DZIP3: variants seen among roughly 807,000 people sequenced by gnomAD.
The protein encoded by DZIP3 is E3 ubiquitin-protein ligase DZIP3.
In DZIP3, 118 loss-of-function variants were observed where a neutral mutation model predicts 162.0. The ratio of observed to expected loss-of-function variants is 0.73; its 90% CI spans 0.63 to 0.85. The LOEUF (loss-of-function observed/expected upper bound fraction) is 0.85. Ranked by LOEUF, DZIP3 falls within the 40% of genes least tolerant of loss-of-function variation. The pLI is 0.00. For synonymous variants in DZIP3, 438 were observed against 458.6 expected (o/e 0.96, Z 0.57); for missense variants, 1,331 against 1,407.0 (o/e 0.95, Z 0.86).
At chr3:108,675,705 A>G in intron 24 of DZIP3, 81 bp from the exon 25 acceptor site, 1 of 1,247,366 alleles carries the variant, frequency 8.0e-7, no homozygotes, top group Non-Finnish European at 1.1e-6. Context: ...CATATATGCT[A>G]GAAAGCGTGA....
At chr3:108,672,701 T>G (rs1376576288) in intron 23 of DZIP3, 45 bp downstream of exon 23, 3 of 1,419,098 alleles carry the variant, frequency 2.1e-6, no homozygotes, top group South Asian at 1.2e-5. Context: ...GGGGAAAAGT[T>G]TTACTTGTAT....
rs960937728 is a variant in DZIP3 at position 108,655,986 on chromosome 3, A to G, written c.2199+1676A>G. The stretch of plus-strand genomic sequence containing the variant: ...TTGCCAAGGCTTGAGTAGGTAAACA[A>G]AGCGGCCGGGAAGCTCAAACTGGGT... On this transcript the variant is annotated intron_variant, in intron 19 of 32. Transcript: ENST00000361582. Among the ~76,000 whole-genome samples the G allele has an allele frequency of 8.5e-5, 13 of 152,288 alleles. 1 individual carries two copies. The highest frequency in any genetic ancestry group is 6.5e-4 in the Admixed American group (10 of 15,298).
intron 10 of DZIP3, among the ~76,000 whole-genome samples, chr3:108,635,660 AAAT>A (rs1169916360): frequency 6.8e-6 from 1 of 147,448 alleles, no homozygotes; most frequent in East Asian, 1.9e-4. Flanking sequence ...ATAATATTAT[AAAT>A]ATTATATAAT....
At chr3:108,620,481 G>A (rs531009949) in intron 5 of DZIP3, among the ~76,000 whole-genome samples, 1 of 152,192 alleles carries the variant, frequency 6.6e-6, no homozygotes, top group Non-Finnish European at 1.5e-5. Context: ...GGCCAGCTAG[G>A]TTAGCTTTTT....
intron 2 of DZIP3, 71 bp downstream of exon 2, chr3:108,605,509 G>C (rs1414683972): frequency 6.6e-7 from 1 of 1,505,380 alleles, no homozygotes; most frequent in Admixed American, 1.8e-5. Flanking sequence ...TCCACGGATG[G>C]TGGGGGTGCG....
At chr3:108,651,468 T>G (rs1942863048) in intron 18 of DZIP3, among the ~76,000 whole-genome samples, 1 of 151,644 alleles carries the variant, frequency 6.6e-6, no homozygotes, top group South Asian at 2.1e-4. Context: ...AGTCTAGACA[T>G]TGTAGTCTAG....
chr3:108,600,033 ATT>A (rs71688732), intron 1 of DZIP3, among the ~76,000 whole-genome samples: 2,896 of 152,304 alleles, frequency 0.019, 99 homozygotes, highest in African/African-American at 0.067. Context: ...TAAAATTCTG[ATT>A]CCAAGGAACT....
intron 17 of DZIP3, among the ~76,000 whole-genome samples, chr3:108,650,180 A>G (rs1035383966): frequency 2.0e-5 from 3 of 151,870 alleles, no homozygotes; most frequent in African/African-American, 7.2e-5. Context: ...TATGGCTGAT[A>G]TATTCATTGG....
In DZIP3 at chr3:108,646,571, T is replaced by C. The variant is rs756329389; in HGVS notation, c.1760-46T>C. ...TTAATCCTAGCCAGACATTCATTTG[T>C]TGCGTTTGCAATTGTACATCTAAAA... On this transcript the variant is annotated intron_variant, in intron 14 of 32. Transcript: ENST00000361582. 8 of 1,337,634 alleles carry C rather than the reference T, an allele frequency of 6.0e-6. No homozygotes were observed. The South Asian group carries it at 8.4e-5, about 14-fold the overall frequency. The allele number at this position is 1,337,634 out of a possible 1,614,324, so 82.9% of individuals were successfully genotyped here. A position where few individuals can be genotyped will look rare whatever the true frequency, so the allele number is the denominator to read the frequency against.
chr3:108,618,472 G>A (rs1444795907), intron 5 of DZIP3, among the ~76,000 whole-genome samples: 4 of 152,178 alleles, frequency 2.6e-5, no homozygotes, highest in Non-Finnish European at 5.9e-5. Flanking sequence ...GGGCACAGAG[G>A]TTAAATAACT....
At chr3:108,667,620 A>T (rs1280712268) in intron 21 of DZIP3, among the ~76,000 whole-genome samples, 1 of 152,136 alleles carries the variant, frequency 6.6e-6, no homozygotes, top group East Asian at 1.9e-4. Flanking sequence ...GTAGTTTTGC[A>T]AGATGTTACC....
intron 14 of DZIP3, among the ~76,000 whole-genome samples, chr3:108,645,787 T>C (rs1051780839): frequency 1.4e-4 from 22 of 152,202 alleles, no homozygotes; most frequent in Non-Finnish European, 3.1e-4. Context: ...ACCTTTGTTT[T>C]CTTGCATAAT....
At chr3:108,682,674 A>G (rs1226551829) in intron 26 of DZIP3, among the ~76,000 whole-genome samples, 1 of 150,756 alleles carries the variant, frequency 6.6e-6, no homozygotes, top group East Asian at 1.9e-4. Flanking sequence ...TTAGAAAGGA[A>G]GGATAAGTTC....
Position 108,662,166 on chromosome 3 carries a change from T to C in DZIP3, c.2332T>C (p.Trp778Arg). The C allele has an allele frequency of 1.2e-6, 2 of 1,607,898 alleles. No homozygotes were observed. The highest frequency in any genetic ancestry group is 1.7e-6 in the Non-Finnish European group (2 of 1,178,462). The change falls in exon 21 of 33, where the codon TGG becomes CGG. Residue 778 changes from tryptophan to arginine, a missense_variant. Trp to Arg is a moderately radical substitution (Grantham distance 101). Transcript: ENST00000361582. ...KRQLRTVTFR[W>R]QENQMQIKKK... ...ACAGTTGAGAACAGTGACTTTTCGG[T>C]GGCAAGAAAACCAAATGCAGATTAA...
At chr3:108,594,439 C>A (rs913639280) in intron 1 of DZIP3, among the ~76,000 whole-genome samples, 1 of 131,144 alleles carries the variant, frequency 7.6e-6, no homozygotes, top group Non-Finnish European at 1.6e-5. Flanking sequence ...CCTGCTCCCC[C>A]CCCATATATA....
chr3:108,627,885 G>GT lies in DZIP3; in HGVS notation c.582-1165dup, dbSNP rs545939893. Among the ~76,000 whole-genome samples, 456 of 146,010 alleles carry GT rather than the reference G, an allele frequency of 3.1e-3. 1 individual carries two copies. Among genetic ancestry groups the GT allele is most frequent in the African/African-American group, 5.7e-3 (231 of 40,194 alleles). ...GTCTGAAGGCAATGAGGTAAGGGAAGTTTTTTTTTTTTGAGACGGAGTCTC... is the reference window on the plus strand; with the variant it reads ...GTCTGAAGGCAATGAGGTAAGGGAAGTTTTTTTTTTTTTGAGACGGAGTCTC... On this transcript the variant is annotated intron_variant, in intron 7 of 32. Transcript: ENST00000361582.
intron 19 of DZIP3, among the ~76,000 whole-genome samples, chr3:108,658,277 T>G (rs1269790420): frequency 1.3e-5 from 2 of 151,928 alleles, no homozygotes; most frequent in Non-Finnish European, 1.5e-5. Flanking sequence ...GAACAGAAAT[T>G]ATAACAAACT....
rs577251490 is a variant in DZIP3 at position 108,624,426 on chromosome 3, A to G, written c.376-18A>G. 3.4e-5 allele frequency: 49 copies of G among 1,432,616 alleles called. No homozygotes were observed. Among genetic ancestry groups the G allele is most frequent in the Non-Finnish European group, 4.6e-5 (47 of 1,019,878 alleles). 88.7% of individuals were successfully genotyped at this position (1,432,616 alleles called of 1,614,324 possible). On this transcript the variant is annotated intron_variant, in intron 5 of 32. Transcript: ENST00000361582. ...AGCTTAGTCTAAATAACCAATTAAC[A>G]TATTTTTTTCTTTGTAGGCACACCA...
At chr3:108,634,344 T>C (rs1346445459) in intron 9 of DZIP3, among the ~76,000 whole-genome samples, 1 of 152,124 alleles carries the variant, frequency 6.6e-6, no homozygotes, top group Non-Finnish European at 1.5e-5. Context: ...ATTTTTGTCA[T>C]CAAAGCAAAA....
Sources: gnomAD v4.1 joint callset for allele counts (sites outside exome capture counted in the v4.1 genomes callset) on GRCh38, gnomAD v4.1.1 for gene constraint, MANE v1.5 for transcripts, NCBI Gene and HGNC (gene_info 2026-07-23, HGNC 2026-07-21) for gene names.